Variants in DLGAP2 observed in about 807,000 individuals in gnomAD.
The protein encoded by DLGAP2 is DLG associated protein 2.
A neutral mutation model predicts 100.3 loss-of-function variants in DLGAP2; 26 were observed. The observed-to-expected ratio is 0.26, with a 90% CI of 0.19 to 0.36. The LOEUF (loss-of-function observed/expected upper bound fraction) is 0.36, where lower values mean the gene tolerates loss of function less well. Among genes scored for constraint, DLGAP2 ranks in the 10% least tolerant of loss-of-function variants. The pLI is 1.00. For missense variants in DLGAP2, 1,858 were observed against 1,453.2 expected (o/e 1.28, Z -4.53); for synonymous variants, 886 against 630.1 (o/e 1.41, Z -6.08).
intron 3 of DLGAP2, among the ~76,000 whole-genome samples, chr8:1,446,656 G>A (rs1280996071): frequency 6.6e-6 from 1 of 152,146 alleles, no homozygotes; most frequent in Non-Finnish European, 1.5e-5. Flanking sequence ...GATGGGGATG[G>A]CATTGAATGT....
chr8:1,666,927 C>G (rs556371035), intron 8 of DLGAP2, among the ~76,000 whole-genome samples: 77 of 152,276 alleles, frequency 5.1e-4, no homozygotes, highest in African/African-American at 1.8e-3. Context: ...CAGCTGCTCT[C>G]GGGCACCGTG....
chr8:1,184,121 A>G (rs1022503987), intron 2 of DLGAP2, among the ~76,000 whole-genome samples: 1 of 152,186 alleles, frequency 6.6e-6, no homozygotes, highest in Non-Finnish European at 1.5e-5. Context: ...ATTGTGTTTA[A>G]AGCCACTTGA....
chr8:795,327 C>T (rs995152501), intron 1 of DLGAP2, among the ~76,000 whole-genome samples: 61 of 152,160 alleles, frequency 4.0e-4, no homozygotes, highest in African/African-American at 1.4e-3. Flanking sequence ...TCAGAGCTGA[C>T]AGCCCATGGC....
rs138850678 is a variant in DLGAP2, at chr8:906,307, T to C, written c.19-1605T>C. Among the ~76,000 whole-genome samples the C allele has an allele frequency of 3.5e-4, 54 of 152,372 alleles. 1 individual carries two copies. The highest frequency in any genetic ancestry group is 6.3e-4 in the African/African-American group (26 of 41,586). On this transcript the variant is annotated intron_variant, in intron 1 of 14. Coordinates refer to ENST00000637795, the MANE Select transcript of DLGAP2 (RefSeq NM_001346810.2). ...AGGGAAGGATGTGGCGGAGCCTCCC[T>C]GTGGAAACGTGTGTCTCTGATCTCC...
chr8:910,216 T>A (rs1332780065), intron 2 of DLGAP2, among the ~76,000 whole-genome samples: 1 of 152,242 alleles, frequency 6.6e-6, no homozygotes, highest in African/African-American at 2.4e-5. Flanking sequence ...GAAGATTAAC[T>A]TTGGGATGAA....
At chr8:1,149,427 A>G (rs1396026415) in intron 2 of DLGAP2, among the ~76,000 whole-genome samples, 12 of 152,260 alleles carry the variant, frequency 7.9e-5, no homozygotes, top group Admixed American at 2.6e-4. Context: ...GATTACAGGC[A>G]CCAGCCACCG....
chr8:758,013 C>G (rs912056227), intron 1 of DLGAP2, among the ~76,000 whole-genome samples: 4 of 152,154 alleles, frequency 2.6e-5, no homozygotes, highest in African/African-American at 9.7e-5. Context: ...TGGCTGTGCC[C>G]TTTACTGTCC....
At position 1,308,443 on chromosome 8, in the gene DLGAP2, G is replaced by C. The variant is rs532050287; in HGVS notation, c.106+49560G>C. Among the ~76,000 whole-genome samples the C allele has an allele frequency of 3.3e-5, 5 of 152,286 alleles. No homozygotes were observed. In the East Asian group the frequency reaches 7.7e-4, roughly 24 times the overall value. On this transcript the variant is annotated intron_variant, in intron 3 of 14. Coordinates refer to ENST00000637795, the MANE Select transcript of DLGAP2 (RefSeq NM_001346810.2). The stretch of plus-strand genomic sequence containing the variant: ...AGTCAGCCCCTTCTAATATCCAAGT[G>C]TCCAGTTTTCAACAAAATGACTAAA...
intron 1 of DLGAP2, among the ~76,000 whole-genome samples, chr8:801,610 C>A (rs188641998): frequency 6.6e-6 from 1 of 152,094 alleles, no homozygotes; most frequent in Admixed American, 6.6e-5. Context: ...TTGTGGGGCT[C>A]GCTGGACGGT....
At chr8:1,009,812 G>T (rs1044786269) in intron 2 of DLGAP2, among the ~76,000 whole-genome samples, 6 of 152,200 alleles carry the variant, frequency 3.9e-5, no homozygotes, top group African/African-American at 1.4e-4. Flanking sequence ...GAAGGAGGTG[G>T]TAATTTTGCA....
chr8:1,443,769 A>G lies in DLGAP2; in HGVS notation c.107-57597A>G, dbSNP rs147937375. ...TGGGGGAAACTGCCCTCGTGATTCA[A>G]TTATCTCCACCTGGCCCCACCCTTG... On this transcript the variant is annotated intron_variant, in intron 3 of 14. Transcript: ENST00000637795. Among the ~76,000 whole-genome samples the G allele has an allele frequency of 1.1e-3, 174 of 152,248 alleles. 1 individual carries two copies. The East Asian group carries it at 0.026, about 23-fold the overall frequency.
chr8:1,526,768 G>A (rs1026145400), intron 4 of DLGAP2, among the ~76,000 whole-genome samples: 20 of 152,180 alleles, frequency 1.3e-4, no homozygotes, highest in Non-Finnish European at 1.6e-4. Context: ...TGTGAGCTAC[G>A]TCTATCCCTG....
At chr8:1,177,098 C>G (rs1202940216) in intron 2 of DLGAP2, among the ~76,000 whole-genome samples, 2 of 152,202 alleles carry the variant, frequency 1.3e-5, no homozygotes, top group African/African-American at 4.8e-5. Context: ...TCAACATGGT[C>G]TAACCTGTTA....
intron 3 of DLGAP2, among the ~76,000 whole-genome samples, chr8:1,345,262 G>A (rs148638492): frequency 1.9e-4 from 29 of 151,842 alleles, no homozygotes; most frequent in African/African-American, 5.6e-4. Flanking sequence ...CAGAGTGTGC[G>A]GTCTGTTTCT....
chr8:1,031,119 G>A (rs958966413), intron 2 of DLGAP2, among the ~76,000 whole-genome samples: 15 of 152,196 alleles, frequency 9.9e-5, no homozygotes, highest in Non-Finnish European at 1.6e-4. Flanking sequence ...CTGGTATTGC[G>A]TCTTACGAGT....
In DLGAP2 at chr8:1,541,845, C is replaced by T. The variant is rs553654081; in HGVS notation, c.173-6781C>T. 2.0e-5 allele frequency among the ~76,000 whole-genome samples: 3 copies of T among 152,272 alleles called. 1 individual carries two copies. The South Asian group carries it at 6.2e-4, about 32-fold the overall frequency. ...TGCTTCTTTTCATGAGGAACTGAAG[C>T]GAGAACAGAAACGTGTACAATGGAA... On this transcript the variant is annotated intron_variant, in intron 4 of 14. Transcript: ENST00000637795.
intron 2 of DLGAP2, among the ~76,000 whole-genome samples, chr8:981,719 T>G (rs982876357): frequency 6.6e-6 from 1 of 152,190 alleles, no homozygotes; most frequent in Non-Finnish European, 1.5e-5. Context: ...TTGTTCATCT[T>G]TGGAGAAATA....
chr8:972,554 G>T (rs1414193841), intron 2 of DLGAP2, among the ~76,000 whole-genome samples: 1 of 152,126 alleles, frequency 6.6e-6, no homozygotes, highest in African/African-American at 2.4e-5. Context: ...AAAAATCAGT[G>T]AGCTTAAGGA....
rs1206099329 is a variant in DLGAP2 at position 1,657,794 on chromosome 8, G to T, written c.1811-10535G>T. Among the ~76,000 whole-genome samples, 41 of 152,162 alleles carry T rather than the reference G, an allele frequency of 2.7e-4. 1 individual carries two copies. Among genetic ancestry groups the T allele is most frequent in the Admixed American group, 2.7e-3 (41 of 15,282 alleles). ...GACAACTGATAATTTTTAAAATATA[G>T]AAATCAAATATTGCCAATATAAGGA... On this transcript the variant is annotated intron_variant, in intron 8 of 14. Coordinates refer to ENST00000637795, the MANE Select transcript of DLGAP2 (RefSeq NM_001346810.2).
Sources: allele counts gnomAD v4.1 joint callset (sites outside exome capture counted in the v4.1 genomes callset), GRCh38; gene constraint gnomAD v4.1.1; transcripts MANE v1.5; gene names NCBI Gene and HGNC (gene_info 2026-07-23, HGNC 2026-07-21).